Variants in SEMA5A observed in about 807,000 individuals in gnomAD.
SEMA5A encodes semaphorin 5A.
In SEMA5A, 55 loss-of-function variants were observed where a neutral mutation model predicts 135.5. The observed-to-expected ratio is 0.41, with a 90% CI of 0.33 to 0.51. The LOEUF is 0.51. Among genes scored for constraint, SEMA5A ranks in the 20% least tolerant of loss-of-function variants. The pLI, the probability that SEMA5A is intolerant of heterozygous loss-of-function variation, is 0.37. For synonymous variants in SEMA5A, 580 were observed against 546.5 expected, an observed-to-expected ratio of 1.06 and a Z score of -0.85; for missense variants, 1,290 against 1,419.9, an observed-to-expected ratio of 0.91 and a Z score of 1.47.
chr5:9,131,112 A>T (rs577065215), intron 13 of SEMA5A, among the ~76,000 whole-genome samples: 2 of 152,298 alleles, frequency 1.3e-5, no homozygotes, highest in African/African-American at 4.8e-5. Context: ...CTCATTTTGC[A>T]TTTCTGTAAA....
At chr5:9,413,888 G>C (rs575559582) in intron 2 of SEMA5A, among the ~76,000 whole-genome samples, 6 of 152,062 alleles carry the variant, frequency 3.9e-5, no homozygotes, top group Non-Finnish European at 7.4e-5. Context: ...AAAGTTTATC[G>C]CTGGTCCTTT....
At chr5:9,060,105 G>A (rs73043646) in intron 18 of SEMA5A, among the ~76,000 whole-genome samples, 1 of 152,090 alleles carries the variant, frequency 6.6e-6, no homozygotes, top group Admixed American at 6.5e-5. Flanking sequence ...TCCCAGGCAG[G>A]GGAAGCACCA....
chr5:9,506,597 A>G (rs1200529184), intron 1 of SEMA5A, among the ~76,000 whole-genome samples: 2 of 152,222 alleles, frequency 1.3e-5, no homozygotes, highest in Admixed American at 6.6e-5. Flanking sequence ...AATAAGGTCT[A>G]AGATGGCTTA....
chr5:9,047,081 C>T (rs953185609), intron 21 of SEMA5A, among the ~76,000 whole-genome samples: 4 of 152,190 alleles, frequency 2.6e-5, no homozygotes, highest in Non-Finnish European at 2.9e-5. Flanking sequence ...GCCACTGGGA[C>T]TTTAACTGTA....
intron 3 of SEMA5A, among the ~76,000 whole-genome samples, chr5:9,356,391 A>G (rs1429926811): frequency 2.6e-5 from 4 of 152,204 alleles, no homozygotes. Flanking sequence ...GGAATGTAAC[A>G]GATGTTACAG....
At chr5:9,311,247 A>G (rs1348953464) in intron 5 of SEMA5A, among the ~76,000 whole-genome samples, 3 of 152,040 alleles carry the variant, frequency 2.0e-5, no homozygotes, top group Non-Finnish European at 2.9e-5. Context: ...GTGACAACTA[A>G]TAATGTCCCC....
At chr5:9,230,530 G>C (rs996694889) in intron 6 of SEMA5A, among the ~76,000 whole-genome samples, 1 of 152,152 alleles carries the variant, frequency 6.6e-6, no homozygotes, top group Non-Finnish European at 1.5e-5. Flanking sequence ...TTAAGACCAC[G>C]TGAGAATACA....
intron 8 of SEMA5A, among the ~76,000 whole-genome samples, chr5:9,222,654 C>T (rs947846255): frequency 1.3e-5 from 2 of 152,182 alleles, no homozygotes; most frequent in Admixed American, 6.5e-5. Flanking sequence ...TTTTAGGAAT[C>T]GGAAACATTA....
chr5:9,202,951 T>A (rs1250059715), intron 8 of SEMA5A, among the ~76,000 whole-genome samples: 1 of 152,198 alleles, frequency 6.6e-6, no homozygotes, highest in Non-Finnish European at 1.5e-5. Flanking sequence ...TTTTCTGGTC[T>A]CATAATTAGT....
intron 2 of SEMA5A, among the ~76,000 whole-genome samples, chr5:9,383,478 G>A (rs148829691): frequency 2.0e-5 from 3 of 152,236 alleles, no homozygotes; most frequent in Non-Finnish European, 4.4e-5. Context: ...ATACATGCTA[G>A]CTCTGCAGTA....
In SEMA5A at chr5:9,481,135, T is replaced by C. The variant is rs555081331; in HGVS notation, c.-174-43283A>G. On this transcript the variant is annotated intron_variant, in intron 1 of 22. Transcript: ENST00000382496. ...CTAATTTTTGTATTTTTAGTAGAGA[T>C]GGAGTTTCACCATGTTGGCCAGGCT... Among the ~76,000 whole-genome samples the C allele has an allele frequency of 1.2e-4, 19 of 152,196 alleles. No individual in the cohort carries two copies. In the East Asian group the frequency reaches 3.7e-3, roughly 29 times the overall value.
At chr5:9,274,872 G>C (rs558103718) in intron 5 of SEMA5A, among the ~76,000 whole-genome samples, 1 of 152,250 alleles carries the variant, frequency 6.6e-6, no homozygotes, top group South Asian at 2.1e-4. Flanking sequence ...GCCCAAAAGA[G>C]AAAGCAGGAA....
chr5:9,474,087 C>T (rs56094142), intron 1 of SEMA5A, among the ~76,000 whole-genome samples: 47 of 151,926 alleles, frequency 3.1e-4, no homozygotes, highest in African/African-American at 9.4e-4. Flanking sequence ...ATTAGAAAGA[C>T]GGTGAAGAGT....
intron 16 of SEMA5A, among the ~76,000 whole-genome samples, chr5:9,088,390 T>G (rs1738829719): frequency 6.7e-6 from 1 of 150,218 alleles, no homozygotes; most frequent in Non-Finnish European, 1.5e-5. Flanking sequence ...AGAATAAGGG[T>G]AAGTGTTATG....
At chr5:9,096,864 G>A (rs1252645027) in intron 16 of SEMA5A, among the ~76,000 whole-genome samples, 1 of 152,010 alleles carries the variant, frequency 6.6e-6, no homozygotes, top group Non-Finnish European at 1.5e-5. Context: ...CTGGTCATCA[G>A]GAAAACACAA....
At chr5:9,216,859 G>C (rs1746657884) in intron 8 of SEMA5A, among the ~76,000 whole-genome samples, 1 of 151,596 alleles carries the variant, frequency 6.6e-6, no homozygotes, top group South Asian at 2.1e-4. Flanking sequence ...CCTTTATTTT[G>C]AGCCTATGGG....
chr5:9,171,253 A>G (rs192047592), intron 11 of SEMA5A, among the ~76,000 whole-genome samples: 1 of 152,294 alleles, frequency 6.6e-6, no homozygotes, highest in Admixed American at 6.5e-5. Context: ...TTCACCCTGA[A>G]TATCAACAGG....
intron 4 of SEMA5A, among the ~76,000 whole-genome samples, chr5:9,329,707 A>C (rs1159253022): frequency 6.6e-6 from 1 of 152,208 alleles, no homozygotes; most frequent in Non-Finnish European, 1.5e-5. Flanking sequence ...TGGTTTGCTC[A>C]TGGGATCTGG....
rs765587776 is a variant in SEMA5A at position 9,066,660 on chromosome 5, G to A, written c.2074-14C>T. On this transcript the variant is annotated splice_polypyrimidine_tract_variant and intron_variant, in intron 16 of 22. Coordinates refer to ENST00000382496, the MANE Select transcript of SEMA5A (RefSeq NM_003966.3). ...AGACTGGTACTCCTGGGGAGAATGC[G>A]CAGACGAGTGTTACTATACGGGGTA... The A allele has an allele frequency of 1.1e-5, 17 of 1,610,438 alleles. No homozygotes were observed. Among genetic ancestry groups the A allele is most frequent in the Admixed American group, 3.3e-5 (2 of 59,982 alleles).
Sources: gnomAD v4.1 joint callset for allele counts (sites outside exome capture counted in the v4.1 genomes callset) on GRCh38, gnomAD v4.1.1 for gene constraint, MANE v1.5 for transcripts, NCBI Gene and HGNC (gene_info 2026-07-23, HGNC 2026-07-21) for gene names.